The following PDHX variants were observed in gnomAD, a reference collection of about 807,000 sequenced individuals.
PDHX encodes pyruvate dehydrogenase complex component X.
In PDHX, 33 loss-of-function variants were observed where a neutral mutation model predicts 55.3. The observed-to-expected ratio is 0.60, with a 90% confidence interval of 0.45 to 0.80. The LOEUF (loss-of-function observed/expected upper bound fraction) is 0.80. Ranked by LOEUF, PDHX falls within the 30% of genes least tolerant of loss-of-function variation. PDHX has a pLI of 0.00. For synonymous variants in PDHX, 226 were observed against 219.4 expected, an observed-to-expected ratio of 1.03 and a Z score of -0.27; for missense variants, 622 against 619.9, an observed-to-expected ratio of 1.00 and a Z score of -0.04.
At chr11:34,926,340 A>T (rs9971607) in intron 1 of PDHX, among the ~76,000 whole-genome samples, 1 of 152,162 alleles carries the variant, frequency 6.6e-6, no homozygotes, top group African/African-American at 2.4e-5. Context: ...GTGTGTTCTG[A>T]CATTGGAATG....
intron 10 of PDHX, among the ~76,000 whole-genome samples, chr11:34,992,970 A>G (rs1031713803): frequency 2.6e-5 from 4 of 152,180 alleles, no homozygotes; most frequent in Non-Finnish European, 5.9e-5. Flanking sequence ...GGTCCTGAGA[A>G]TTCCCATTGC....
At chr11:34,965,387 A>C (rs1565162916) in intron 5 of PDHX, among the ~76,000 whole-genome samples, 3 of 152,190 alleles carry the variant, frequency 2.0e-5, no homozygotes. Context: ...CTCCCGGGCC[A>C]GCAGTTTTAT....
intron 9 of PDHX, among the ~76,000 whole-genome samples, chr11:34,986,750 A>T (rs1855654018): frequency 1.3e-5 from 2 of 152,270 alleles, no homozygotes; most frequent in African/African-American, 4.8e-5. Context: ...CCTCACAGCA[A>T]TGGGAAGGGC....
chr11:34,953,929 A>G (rs1012785460), intron 3 of PDHX, among the ~76,000 whole-genome samples: 2 of 152,236 alleles, frequency 1.3e-5, no homozygotes, highest in Admixed American at 1.3e-4. Context: ...TCAAGGGCTT[A>G]ATGAATGTTT....
At chr11:34,943,050 T>TA (rs1438567821) in intron 2 of PDHX, among the ~76,000 whole-genome samples, 1 of 101,034 alleles carries the variant, frequency 9.9e-6, no homozygotes, top group Non-Finnish European at 2.5e-5. Flanking sequence ...TTCGTGAAGT[T>TA]ATCATGTTTT....
intron 3 of PDHX, among the ~76,000 whole-genome samples, chr11:34,956,197 A>C (rs1844578700): frequency 8.8e-6 from 1 of 114,208 alleles, no homozygotes. Context: ...AGCTTTCTAT[A>C]CTAATTTCAT....
In PDHX at chr11:34,936,288, T is replaced by G. The variant is rs574585502; in HGVS notation, c.241+4804T>G. 3.9e-5 allele frequency among the ~76,000 whole-genome samples: 6 copies of G among 152,322 alleles called. No individual in the cohort carries two copies. The South Asian group carries it at 1.2e-3, about 32-fold the overall frequency. On this transcript the variant is annotated intron_variant, in intron 2 of 10. Transcript: ENST00000227868. ...CTTGATAGACCCAACCAAGTCTGTT[T>G]GGGCATATTACTTAATTCTGTTCCT...
chr11:34,947,136 A>G (rs756398965), intron 2 of PDHX, among the ~76,000 whole-genome samples: 12 of 152,236 alleles, frequency 7.9e-5, no homozygotes, highest in Non-Finnish European at 1.3e-4. Context: ...CAGGGAATAT[A>G]GTCAAAATGT....
At chr11:34,921,827 T>A (rs1488359982) in intron 1 of PDHX, among the ~76,000 whole-genome samples, 2 of 152,188 alleles carry the variant, frequency 1.3e-5, no homozygotes, top group African/African-American at 4.8e-5. Context: ...TTTTAAAGGA[T>A]TTTATTCTGT....
chr11:34,923,489 C>G (rs192501448), intron 1 of PDHX, among the ~76,000 whole-genome samples: 93 of 152,244 alleles, frequency 6.1e-4, no homozygotes, highest in Admixed American at 4.8e-3. Flanking sequence ...TCAGATCTCC[C>G]TGTAATTTGT....
upstream of PDHX, chr11:34,916,101 G>A (rs760871034): frequency 3.9e-6 from 5 of 1,273,034 alleles, no homozygotes; most frequent in Middle Eastern, 5.4e-4. Flanking sequence ...GGTAGCGAAC[G>A]GCCAGGCCCG....
intron 8 of PDHX, among the ~76,000 whole-genome samples, chr11:34,978,811 G>A (rs10836326): frequency 0.6 from 90,804 of 152,032 alleles, 28,717 homozygotes; most frequent in East Asian, 0.75. Context: ...GGGAACCCAA[G>A]TACATGAGGC....
chr11:34,992,592 C>T (rs1330289345), intron 10 of PDHX, among the ~76,000 whole-genome samples: 9 of 152,104 alleles, frequency 5.9e-5, no homozygotes, highest in Admixed American at 5.2e-4. Context: ...ACTAAACGTT[C>T]GTTGGACATT....
intron 6 of PDHX, among the ~76,000 whole-genome samples, chr11:34,968,260 CAA>C (rs36026065): frequency 1.4e-4 from 18 of 131,012 alleles, no homozygotes; most frequent in South Asian, 2.5e-4. Flanking sequence ...GACCCTATCT[CAA>C]AAAAAAAAAA....
At chr11:34,985,181 G>A (rs529093964) in intron 9 of PDHX, among the ~76,000 whole-genome samples, 7 of 152,304 alleles carry the variant, frequency 4.6e-5, no homozygotes, top group African/African-American at 1.2e-4. Context: ...GGTGTCTCAC[G>A]CCTGTAATGC....
chr11:34,916,563 A>G (rs1590721255), upstream of PDHX: 1 of 1,544,608 alleles, frequency 6.5e-7, no homozygotes, highest in Non-Finnish European at 8.7e-7. Context: ...AGGCACCGCT[A>G]GCGTCTGGGG....
intron 1 of PDHX, among the ~76,000 whole-genome samples, chr11:34,921,486 G>C (rs958884565): frequency 6.6e-6 from 1 of 152,160 alleles, no homozygotes; most frequent in Non-Finnish European, 1.5e-5. Flanking sequence ...GGCATGCAAG[G>C]CTGATTCTTT....
upstream of PDHX, chr11:34,916,149 C>G: frequency 6.5e-7 from 1 of 1,543,138 alleles, no homozygotes; most frequent in Non-Finnish European, 8.7e-7. Context: ...GCCCGCTACC[C>G]TGCGCCCAGC....
chr11:34,932,843 A>G (rs1469135919), intron 2 of PDHX, among the ~76,000 whole-genome samples: 2 of 152,194 alleles, frequency 1.3e-5, no homozygotes, highest in Non-Finnish European at 2.9e-5. Flanking sequence ...AACAATCCAA[A>G]TGTTGGTTAG....
Sources: gnomAD v4.1 joint callset for allele counts (sites outside exome capture counted in the v4.1 genomes callset) on GRCh38, gnomAD v4.1.1 for gene constraint, MANE v1.5 for transcripts, NCBI Gene and HGNC (gene_info 2026-07-23, HGNC 2026-07-21) for gene names.